Variants in NCAM1 observed in about 807,000 individuals in gnomAD.
NCAM1 encodes the protein neural cell adhesion molecule 1, also known as antigen recognized by monoclonal antibody 5.1H11.
NCAM1 carries 14 observed loss-of-function variants against 109.8 expected under a neutral mutation model. The observed-to-expected ratio is 0.13, with a 90% CI of 0.08 to 0.20. NCAM1 has a LOEUF of 0.20. Among genes scored for constraint, NCAM1 ranks in the 10% least tolerant of loss-of-function variants. The pLI is 1.00. For missense variants in NCAM1, 774 were observed against 1,109.9 expected, an observed-to-expected ratio of 0.70 and a Z score of 4.30; for synonymous variants, 418 against 442.9, an observed-to-expected ratio of 0.94 and a Z score of 0.70.
intron 1 of NCAM1, among the ~76,000 whole-genome samples, chr11:113,181,169 A>T (rs1389441989): frequency 1.3e-5 from 2 of 152,166 alleles, no homozygotes; most frequent in Non-Finnish European, 2.9e-5. Context: ...TTTGCTACTG[A>T]TTTTAAGAGG....
chr11:113,231,443 G>C, intron 9 of NCAM1: 1 of 911,960 alleles, frequency 1.1e-6, no homozygotes, highest in Non-Finnish European at 1.6e-6. Flanking sequence ...GATACTCCCA[G>C]GTTCTCATGC....
chr11:113,045,640 G>C (rs1953242062), intron 1 of NCAM1, among the ~76,000 whole-genome samples: 1 of 152,144 alleles, frequency 6.6e-6, no homozygotes, highest in Non-Finnish European at 1.5e-5. Context: ...TATACTTCCT[G>C]ATACGATAAT....
chr11:113,205,424 A>G lies in NCAM1; in HGVS notation c.347-99A>G, dbSNP rs1318180335. 2.1e-6 allele frequency: 3 copies of G among 1,448,670 alleles called. No homozygotes were observed. In the African/African-American group the frequency reaches 4.3e-5, roughly 21 times the overall value. 89.7% of individuals were successfully genotyped at this position (1,448,670 alleles called of 1,614,324 possible). On this transcript the variant is annotated intron_variant, in intron 3 of 19. Transcript: ENST00000316851. Reference sequence around the variant, plus strand: ...TATACAACTGTACATCAGGATCGAGACTTGCCCAGGACTCAAGTCCAGGTA... The same window carrying G: ...TATACAACTGTACATCAGGATCGAGGCTTGCCCAGGACTCAAGTCCAGGTA...
At chr11:113,198,205 A>G (rs1250719042) in intron 1 of NCAM1, among the ~76,000 whole-genome samples, 2 of 152,030 alleles carry the variant, frequency 1.3e-5, no homozygotes, top group Non-Finnish European at 2.9e-5. Flanking sequence ...CTGGACTTGG[A>G]ACTGCAACCC....
intron 14 of NCAM1, among the ~76,000 whole-genome samples, chr11:113,236,722 A>G (rs1439150869): frequency 6.6e-6 from 1 of 152,180 alleles, no homozygotes; most frequent in Non-Finnish European, 1.5e-5. Flanking sequence ...CCAGGCCACT[A>G]TTCAAAACAC....
chr11:113,109,284 G>C (rs1039444420), intron 1 of NCAM1, among the ~76,000 whole-genome samples: 7 of 149,804 alleles, frequency 4.7e-5, no homozygotes, highest in African/African-American at 1.5e-4. Context: ...GGAGGCGGAG[G>C]TTGCAGTGAG....
chr11:113,116,516 A>G (rs1225657502), intron 1 of NCAM1, among the ~76,000 whole-genome samples: 2 of 152,254 alleles, frequency 1.3e-5, no homozygotes, highest in Non-Finnish European at 1.5e-5. Context: ...GTGACTCCAA[A>G]ATAAAATGCG....
intron 1 of NCAM1, among the ~76,000 whole-genome samples, chr11:113,192,859 TGTTA>T (rs1397797938): frequency 1.3e-5 from 2 of 152,134 alleles, no homozygotes; most frequent in Non-Finnish European, 2.9e-5. Flanking sequence ...TAACCTCCTT[TGTTA>T]GTAAATGGCT....
intron 1 of NCAM1, among the ~76,000 whole-genome samples, chr11:113,081,616 C>T (rs1288670600): frequency 6.6e-6 from 1 of 151,980 alleles, no homozygotes; most frequent in East Asian, 1.9e-4. Flanking sequence ...CTCACTGCAA[C>T]CTCTGCCTCT....
At chr11:113,144,482 A>G (rs1941941479) in intron 1 of NCAM1, among the ~76,000 whole-genome samples, 1 of 152,212 alleles carries the variant, frequency 6.6e-6, no homozygotes, top group Non-Finnish European at 1.5e-5. Context: ...AATAAGAGAA[A>G]TTTTATTGTA....
At chr11:113,263,648 T>C (rs1334666248) in intron 17 of NCAM1, 2 of 985,480 alleles carry the variant, frequency 2.0e-6, no homozygotes, top group East Asian at 2.3e-4. Flanking sequence ...AAGTGTCAGC[T>C]TTGAAAGGTG....
rs955581987 is a variant in NCAM1 at position 113,120,830 on chromosome 11, T to C, written c.53-81549T>C. On this transcript the variant is annotated intron_variant, in intron 1 of 19. Transcript: ENST00000316851. ...TTAAATCCCTTAAATGCCCTCTTCA[T>C]TGGGGAGAGGGAAGGAGGGCAGCGA... 6.6e-5 allele frequency among the ~76,000 whole-genome samples: 10 copies of C among 152,094 alleles called. No homozygotes were observed. The East Asian group carries it at 7.7e-4, about 12-fold the overall frequency.
At chr11:113,079,013 C>T (rs373722553) in intron 1 of NCAM1, among the ~76,000 whole-genome samples, 6 of 152,086 alleles carry the variant, frequency 3.9e-5, no homozygotes, top group East Asian at 1.9e-4. Flanking sequence ...TCAAGGAAGC[C>T]GGTCAGTAGG....
chr11:113,203,463 G>A (rs1027334213), intron 2 of NCAM1, among the ~76,000 whole-genome samples: 4 of 152,228 alleles, frequency 2.6e-5, no homozygotes, highest in South Asian at 2.1e-4. Context: ...TGAGAAGGGC[G>A]CCACGCGAAG....
intron 1 of NCAM1, among the ~76,000 whole-genome samples, chr11:113,020,905 T>G (rs907885967): frequency 2.0e-5 from 3 of 152,084 alleles, no homozygotes; most frequent in African/African-American, 7.2e-5. Context: ...TGCAGGCATG[T>G]GCCACCATGC....
intron 1 of NCAM1, among the ~76,000 whole-genome samples, chr11:113,112,780 G>A (rs147927694): frequency 1.1e-3 from 162 of 152,146 alleles, no homozygotes; most frequent in Non-Finnish European, 2.0e-3. Flanking sequence ...TTAGTTTCAT[G>A]AAGGTCTTTC....
intron 1 of NCAM1, among the ~76,000 whole-genome samples, chr11:113,102,295 C>T (rs1430791422): frequency 1.3e-5 from 2 of 152,168 alleles, no homozygotes; most frequent in Non-Finnish European, 2.9e-5. Context: ...CAGGAGGACA[C>T]ACCTGTGCAC....
At chr11:113,105,989 T>C (rs538551192) in intron 1 of NCAM1, among the ~76,000 whole-genome samples, 5 of 150,242 alleles carry the variant, frequency 3.3e-5, no homozygotes, top group Admixed American at 2.0e-4. Context: ...CACCAAAAAC[T>C]AATTAGTTTT....
chr11:113,216,146 ATTT>A (rs34687568), intron 8 of NCAM1, among the ~76,000 whole-genome samples: 3 of 101,494 alleles, frequency 3.0e-5, no homozygotes, highest in Admixed American at 1.2e-4. Context: ...CTATGATTTC[ATTT>A]TTTTTTTTTT....
Sources: allele counts gnomAD v4.1 joint callset (sites outside exome capture counted in the v4.1 genomes callset), GRCh38; gene constraint gnomAD v4.1.1; transcripts MANE v1.5; gene names NCBI Gene and HGNC (gene_info 2026-07-23, HGNC 2026-07-21).